Variants in RUNX3 observed in about 807,000 individuals in gnomAD.
RUNX3 encodes RUNX family transcription factor 3.
In RUNX3, 10 loss-of-function variants were observed where a neutral mutation model predicts 27.7. The ratio of observed to expected loss-of-function variants is 0.36; its 90% CI spans 0.22 to 0.61. The LOEUF is 0.61. Ranked by LOEUF, RUNX3 falls within the 20% of genes least tolerant of loss-of-function variation. The probability of loss-of-function intolerance (pLI) is 0.72; values close to 1 mark genes in which losing one functional copy is unlikely to be tolerated. For missense variants in RUNX3, 469 were observed against 629.5 expected (o/e 0.75, Z 2.73); for synonymous variants, 270 against 269.2 (o/e 1.00, Z -0.03).
intron 2 of RUNX3, among the ~76,000 whole-genome samples, chr1:24,959,514 G>C (rs887536053): frequency 6.6e-6 from 1 of 152,202 alleles, no homozygotes; most frequent in Admixed American, 6.5e-5. Context: ...ATGGCGGGGA[G>C]GGGGAGGCCC....
At position 24,901,042 on chromosome 1, in the gene RUNX3, T is replaced by G. The variant is rs1189992936; in HGVS notation, c.*1080A>C. 10 of 147,732 alleles carry G rather than the reference T, an allele frequency of 6.8e-5. No individual in the cohort carries two copies. Among genetic ancestry groups the G allele is most frequent in the Admixed American group, 2.0e-4 (3 of 15,082 alleles). 9.2% of individuals were successfully genotyped at this position (147,732 alleles called of 1,614,324 possible). On this transcript the variant is annotated 3_prime_UTR_variant, in exon 5 of 5. Transcript: ENST00000308873. Reference sequence around the variant, plus strand: ...GTTTTTTTTTTGTTTTTTTGTTTTTTTTTTTTTTTTGCTCAGGACTATTTG... The same window carrying G: ...GTTTTTTTTTTGTTTTTTTGTTTTTGTTTTTTTTTTGCTCAGGACTATTTG...
chr1:24,961,082 C>G (rs1642100184), intron 2 of RUNX3, among the ~76,000 whole-genome samples: 1 of 149,346 alleles, frequency 6.7e-6, no homozygotes, highest in African/African-American at 2.4e-5. Flanking sequence ...CCTCTCCACC[C>G]TTTTCCCACA....
chr1:24,920,998 C>A (rs1035853031), intron 2 of RUNX3, among the ~76,000 whole-genome samples: 4 of 152,118 alleles, frequency 2.6e-5, no homozygotes, highest in African/African-American at 9.7e-5. Context: ...CCTATCCCTG[C>A]CTCTGGATCC....
In RUNX3 at chr1:24,902,668, T is replaced by A; in HGVS notation, c.704-2A>T. The A allele has an allele frequency of 6.6e-7, 1 of 1,513,730 alleles. No individual in the cohort carries two copies. The highest frequency in any genetic ancestry group is 8.9e-7 in the Non-Finnish European group (1 of 1,129,490). 93.8% of individuals were successfully genotyped at this position (1,513,730 alleles called of 1,614,324 possible). A position where few individuals can be genotyped will look rare whatever the true frequency, so the allele number is the denominator to read the frequency against. ...AGAATGGGTTCAGTTCCGAGGTGCC[T>A]GGAGGACAGCAGGGAAGAGGTCAGT... On this transcript the variant is annotated splice_acceptor_variant, in intron 4 of 4. Transcript: ENST00000308873. LOFTEE classifies it high-confidence loss of function. This position sits in a 1 kb window ranked among gnomAD's most constrained non-coding sequence, Gnocchi z 9.2.
intron 3 of RUNX3, among the ~76,000 whole-genome samples, chr1:24,913,791 T>C (rs1640837479): frequency 6.6e-6 from 1 of 152,192 alleles, no homozygotes; most frequent in African/African-American, 2.4e-5. Flanking sequence ...CCTGGGGTCC[T>C]ACCCCCGCCA....
chr1:24,948,132 A>C (rs984115774), intron 2 of RUNX3, among the ~76,000 whole-genome samples: 1 of 152,204 alleles, frequency 6.6e-6, no homozygotes, highest in Non-Finnish European at 1.5e-5. Flanking sequence ...CCCAGTGGAC[A>C]GGAGCTCGTG....
rs1640518568 is a variant in RUNX3 at position 24,900,580 on chromosome 1, C to T, written c.*1542G>A. On this transcript the variant is annotated 3_prime_UTR_variant, in exon 5 of 5. Transcript: ENST00000308873. Reference sequence around the variant, plus strand: ...TTTGCAAAATTCAGGGGCAAGACTTCACCTCGGAACGCAGTGCAGCTGAGC... The same window carrying T: ...TTTGCAAAATTCAGGGGCAAGACTTTACCTCGGAACGCAGTGCAGCTGAGC... 6.6e-6 allele frequency: 1 copy of T among 152,430 alleles called. No homozygotes were observed. Among genetic ancestry groups the T allele is most frequent in the African/African-American group, 2.4e-5 (1 of 41,466 alleles). 9.4% of individuals were successfully genotyped at this position (152,430 alleles called of 1,614,324 possible).
At chr1:24,951,204 CAAAAA>C (rs542137531) in intron 2 of RUNX3, among the ~76,000 whole-genome samples, 1 of 96,460 alleles carries the variant, frequency 1.0e-5, no homozygotes, top group Non-Finnish European at 2.0e-5. Context: ...GACTCCATCT[CAAAAA>C]AAAAAAAAAA....
chr1:24,905,858 G>A (rs951896400), intron 4 of RUNX3, among the ~76,000 whole-genome samples: 1 of 152,250 alleles, frequency 6.6e-6, no homozygotes, highest in African/African-American at 2.4e-5. Context: ...CGGCAGGGGT[G>A]GGCGTGAGCA....
chr1:24,906,392 C>T (rs1196710347), intron 4 of RUNX3, among the ~76,000 whole-genome samples: 1 of 152,198 alleles, frequency 6.6e-6, no homozygotes, highest in Non-Finnish European at 1.5e-5. Flanking sequence ...GGGCACAGTC[C>T]GTGACGGCAG....
chr1:24,958,346 T>C (rs1381762807), intron 2 of RUNX3, among the ~76,000 whole-genome samples: 1 of 152,194 alleles, frequency 6.6e-6, no homozygotes, highest in Non-Finnish European at 1.5e-5. Context: ...AGGCGGATGA[T>C]TGGACCCCAG....
intron 2 of RUNX3, among the ~76,000 whole-genome samples, chr1:24,947,690 T>C (rs1641645428): frequency 6.6e-6 from 1 of 152,150 alleles, no homozygotes; most frequent in Admixed American, 6.5e-5. Flanking sequence ...CCTAGGCCCC[T>C]GGGGACGCTC....
chr1:24,908,384 C>T (rs950299893), intron 3 of RUNX3, among the ~76,000 whole-genome samples: 3 of 152,118 alleles, frequency 2.0e-5, no homozygotes, highest in African/African-American at 7.2e-5. Context: ...CAGTGGCTTA[C>T]GCCTATAATC....
At chr1:24,925,274 C>A (rs560476862) in intron 2 of RUNX3, among the ~76,000 whole-genome samples, 1 of 152,286 alleles carries the variant, frequency 6.6e-6, no homozygotes, top group African/African-American at 2.4e-5. Context: ...TGCCAACCGC[C>A]TCCACCTCTC....
chr1:24,964,331 G>A (rs1253985398), intron 2 of RUNX3, among the ~76,000 whole-genome samples: 1 of 152,162 alleles, frequency 6.6e-6, no homozygotes, highest in Non-Finnish European at 1.5e-5. Flanking sequence ...GTGCCACAGC[G>A]ATGTTCCACG....
chr1:24,907,947 C>G (rs942046632), intron 3 of RUNX3, among the ~76,000 whole-genome samples: 9 of 151,768 alleles, frequency 5.9e-5, no homozygotes, highest in African/African-American at 2.2e-4. Context: ...ACGCGGTGAT[C>G]TAAACCTCAA....
chr1:24,926,032 A>G (rs1641093280), intron 2 of RUNX3, among the ~76,000 whole-genome samples: 1 of 152,024 alleles, frequency 6.6e-6, no homozygotes, highest in Non-Finnish European at 1.5e-5. Flanking sequence ...TTCCCAGGAG[A>G]GAGAGTGGGA....
At position 24,929,578 on chromosome 1, in the gene RUNX3, C is replaced by G; in HGVS notation, c.282+9G>C. 3.7e-6 allele frequency: 6 copies of G among 1,601,650 alleles called. No homozygotes were observed. The highest frequency in any genetic ancestry group is 5.1e-6 in the Non-Finnish European group (6 of 1,177,070). On this transcript the variant is annotated intron_variant, in intron 1 of 4. Coordinates refer to ENST00000308873, the MANE Select transcript of RUNX3 (RefSeq NM_004350.3). ...GCCGGCGCCCTCCCGCCCCGGGTCC[C>G]GCACTCACCTTGAAGGCGACGGGCA...
At chr1:24,963,213 G>T (rs910935497) in intron 2 of RUNX3, 2 of 152,472 alleles carry the variant, frequency 1.3e-5, no homozygotes, top group African/African-American at 4.8e-5. Context: ...AGAAGAACAG[G>T]CCCCGCTCTC....
Sources: gnomAD v4.1 joint callset for allele counts (sites outside exome capture counted in the v4.1 genomes callset) on GRCh38, gnomAD v4.1.1 for gene constraint, Gnocchi (gnomAD v3.1) non-coding constraint, MANE v1.5 for transcripts, NCBI Gene and HGNC (gene_info 2026-07-23, HGNC 2026-07-21) for gene names.